TLN2: variants seen among roughly 807,000 people sequenced by gnomAD.
TLN2 encodes the protein talin-2.
In TLN2, 118 loss-of-function variants were observed where a neutral mutation model predicts 294.7. The ratio of observed to expected loss-of-function variants is 0.40; its 90% CI spans 0.34 to 0.47. The LOEUF (loss-of-function observed/expected upper bound fraction) is 0.47, where lower values mean the gene tolerates loss of function less well. TLN2 is among the 20% of genes least tolerant of loss of function. The pLI, the probability that TLN2 is intolerant of heterozygous loss-of-function variation, is 0.84. For synonymous variants in TLN2, 1,431 were observed against 1,304.5 expected (o/e 1.10, Z -2.09); for missense variants, 3,083 against 3,282.2 (o/e 0.94, Z 1.48).
At chr15:62,591,282 A>T (rs910555666) in intron 2 of TLN2, among the ~76,000 whole-genome samples, 3 of 152,220 alleles carry the variant, frequency 2.0e-5, no homozygotes, top group Non-Finnish European at 4.4e-5. Flanking sequence ...TAGCAGCCAT[A>T]GACTAACCAA....
At chr15:62,756,230 C>T (rs1186068450) in intron 37 of TLN2, among the ~76,000 whole-genome samples, 1 of 152,170 alleles carries the variant, frequency 6.6e-6, no homozygotes, top group Non-Finnish European at 1.5e-5. Flanking sequence ...AGTGGAGCGT[C>T]AACTTTTAAA....
intron 1 of TLN2, among the ~76,000 whole-genome samples, chr15:62,529,404 T>C (rs1374512026): frequency 1.3e-5 from 2 of 152,204 alleles, no homozygotes; most frequent in Non-Finnish European, 2.9e-5. Context: ...AGGGCTTTTA[T>C]CGTCTACTGT....
chr15:62,471,555 A>T (rs907059412), intron 1 of TLN2, among the ~76,000 whole-genome samples: 3 of 152,038 alleles, frequency 2.0e-5, no homozygotes, highest in African/African-American at 7.2e-5. Context: ...AGTCCCCTCC[A>T]CTGGCCCCTT....
At chr15:62,793,354 G>C (rs2065212825) in intron 46 of TLN2, among the ~76,000 whole-genome samples, 1 of 152,218 alleles carries the variant, frequency 6.6e-6, no homozygotes, top group Non-Finnish European at 1.5e-5. Context: ...TTTGTAGAGA[G>C]ATTCCCATGG....
chr15:62,437,044 T>G (rs2035320212), intron 1 of TLN2, among the ~76,000 whole-genome samples: 1 of 152,264 alleles, frequency 6.6e-6, no homozygotes, highest in Admixed American at 6.5e-5. Context: ...GTATGATTTC[T>G]CTTTTGTATA....
In TLN2 at chr15:62,528,990, C is replaced by T. The variant is rs529707317; in HGVS notation, c.-237-60697C>T. On this transcript the variant is annotated intron_variant, in intron 1 of 58. Coordinates refer to ENST00000636159, the MANE Select transcript of TLN2 (RefSeq NM_015059.3). ...GCACTGGTTATTTCAACTTTTTACT[C>T]ATAAGTAATACTTTAATGGAGTCTC... 2.0e-5 allele frequency among the ~76,000 whole-genome samples: 3 copies of T among 152,260 alleles called. No individual in the cohort carries two copies. In the South Asian group the frequency reaches 6.2e-4, roughly 32 times the overall value.
At chr15:62,624,201 T>G (rs1008546477) in intron 3 of TLN2, among the ~76,000 whole-genome samples, 4 of 152,242 alleles carry the variant, frequency 2.6e-5, no homozygotes, top group African/African-American at 7.2e-5. Context: ...CCATGCTGTT[T>G]GGCTTGCACC....
chr15:62,711,147 C>T (rs1253103450), intron 21 of TLN2, among the ~76,000 whole-genome samples: 1 of 152,150 alleles, frequency 6.6e-6, no homozygotes, highest in Admixed American at 6.5e-5. Context: ...CGGCATTCTT[C>T]TCAGATGACC....
intron 52 of TLN2, among the ~76,000 whole-genome samples, 165 bp downstream of exon 52, chr15:62,810,197 C>G (rs116340331): frequency 6.6e-6 from 1 of 152,108 alleles, no homozygotes; most frequent in Non-Finnish European, 1.5e-5. Flanking sequence ...TGCACTGATC[C>G]GGCACACTGA....
intron 9 of TLN2, among the ~76,000 whole-genome samples, chr15:62,667,047 G>C (rs1489734842): frequency 6.6e-6 from 1 of 152,100 alleles, no homozygotes; most frequent in Admixed American, 6.6e-5. Flanking sequence ...CTCACTGCAA[G>C]CTCCGCCTCC....
At chr15:62,653,121 G>A in intron 6 of TLN2, 41 bp from the exon 7 acceptor site, 2 of 1,480,482 alleles carry the variant, frequency 1.4e-6, no homozygotes, top group Non-Finnish European at 1.8e-6. Context: ...GTTGACAGCA[G>A]TTTAATTATT....
rs369853815 is a variant in TLN2 at position 62,686,911 on chromosome 15, G to T, written c.1113+115G>T. 8 of 1,381,592 alleles carry T rather than the reference G, an allele frequency of 5.8e-6. No homozygotes were observed. In the East Asian group the frequency reaches 1.7e-4, roughly 30 times the overall value. 85.6% of individuals were successfully genotyped at this position (1,381,592 alleles called of 1,614,324 possible). A position where few individuals can be genotyped will look rare whatever the true frequency, so the allele number is the denominator to read the frequency against. ...GTTTCTCTGGCCTGGGAGAGCCAGCGTGGAGTGAGGAAGATGGTGCAAGCC... is the reference window on the plus strand; with the variant it reads ...GTTTCTCTGGCCTGGGAGAGCCAGCTTGGAGTGAGGAAGATGGTGCAAGCC... On this transcript the variant is annotated intron_variant, in intron 12 of 58. Transcript: ENST00000636159.
chr15:62,706,957 A>C, intron 19 of TLN2, 129 bp from the exon 20 acceptor site: 1 of 1,190,910 alleles, frequency 8.4e-7, no homozygotes, highest in South Asian at 2.0e-5. Context: ...GACATTTCAA[A>C]AAAAAGTAAA....
intron 1 of TLN2, among the ~76,000 whole-genome samples, chr15:62,485,513 C>T (rs2038341408): frequency 6.6e-6 from 1 of 152,152 alleles, no homozygotes; most frequent in South Asian, 2.1e-4. Flanking sequence ...TCATCCCTTC[C>T]CATGGGAAAA....
intron 33 of TLN2, among the ~76,000 whole-genome samples, chr15:62,748,986 C>A (rs1438553070): frequency 6.6e-6 from 1 of 152,228 alleles, no homozygotes; most frequent in South Asian, 2.1e-4. Flanking sequence ...GGGTGCTTTT[C>A]ATTTTATATT....
At chr15:62,505,665 T>G (rs1161382426) in intron 1 of TLN2, among the ~76,000 whole-genome samples, 2 of 152,276 alleles carry the variant, frequency 1.3e-5, no homozygotes, top group African/African-American at 4.8e-5. Context: ...TTAGGTAAAA[T>G]TTCAAGTCAA....
At chr15:62,606,248 ATTT>A (rs771750764) in intron 2 of TLN2, among the ~76,000 whole-genome samples, 1 of 136,762 alleles carries the variant, frequency 7.3e-6, no homozygotes, top group Non-Finnish European at 1.6e-5. Flanking sequence ...TGCTTGGCTA[ATTT>A]TTTTTTTTTT....
chr15:62,509,713 G>A (rs2039831909), intron 1 of TLN2, among the ~76,000 whole-genome samples: 1 of 152,188 alleles, frequency 6.6e-6, no homozygotes, highest in African/African-American at 2.4e-5. Flanking sequence ...GGCTTGTCAG[G>A]TCATGGCCAT....
chr15:62,770,280 G>C (rs1441878587), intron 41 of TLN2, among the ~76,000 whole-genome samples: 1 of 152,256 alleles, frequency 6.6e-6, no homozygotes, highest in East Asian at 1.9e-4. Context: ...GCGCCCGCTA[G>C]ATGTTTGCAA....
Sources: gnomAD v4.1 joint callset for allele counts (sites outside exome capture counted in the v4.1 genomes callset) on GRCh38, gnomAD v4.1.1 for gene constraint, MANE v1.5 for transcripts, NCBI Gene and HGNC (gene_info 2026-07-23, HGNC 2026-07-21) for gene names.